Variants in PTPRN2 observed in about 807,000 individuals in gnomAD.
PTPRN2 encodes the protein receptor-type tyrosine-protein phosphatase N2.
A neutral mutation model predicts 118.8 loss-of-function variants in PTPRN2; 74 were observed. The observed-to-expected ratio is 0.62, with a 90% CI of 0.52 to 0.76. The LOEUF (loss-of-function observed/expected upper bound fraction) is 0.76, where lower values mean the gene tolerates loss of function less well. PTPRN2 is among the 30% of genes least tolerant of loss of function. The probability of loss-of-function intolerance (pLI) is 0.00; values close to 1 mark genes in which losing one functional copy is unlikely to be tolerated. For missense variants in PTPRN2, 1,481 were observed against 1,394.4 expected (o/e 1.06, Z -0.99); for synonymous variants, 641 against 608.0 (o/e 1.05, Z -0.80).
At chr7:158,359,773 T>C (rs1366332886) in intron 2 of PTPRN2, among the ~76,000 whole-genome samples, 1 of 152,124 alleles carries the variant, frequency 6.6e-6, no homozygotes, top group East Asian at 1.9e-4. Flanking sequence ...AATTAAAACA[T>C]GATTAAGAAT....
intron 11 of PTPRN2, among the ~76,000 whole-genome samples, chr7:157,901,751 C>T (rs1797458021): frequency 2.3e-5 from 1 of 42,622 alleles, no homozygotes; most frequent in South Asian, 5.4e-4. Context: ...GCCTTCCCGT[C>T]CGTGTTTCCT....
intron 17 of PTPRN2, among the ~76,000 whole-genome samples, chr7:157,594,693 G>C (rs899424231): frequency 8.5e-5 from 13 of 152,210 alleles, no homozygotes; most frequent in Non-Finnish European, 1.6e-4. Flanking sequence ...GGAGACCCGG[G>C]GGCAGCTGGA....
At chr7:158,293,771 T>A (rs1435849517) in intron 3 of PTPRN2, among the ~76,000 whole-genome samples, 1 of 139,768 alleles carries the variant, frequency 7.2e-6, no homozygotes, top group African/African-American at 2.7e-5. Flanking sequence ...AAAAAAAAAC[T>A]AAGACACAAA....
At position 157,840,947 on chromosome 7, in the gene PTPRN2, C is replaced by T. The variant is rs565847328; in HGVS notation, c.1788+57726G>A. Among the ~76,000 whole-genome samples, 218 of 152,318 alleles carry T rather than the reference C, an allele frequency of 1.4e-3. 3 individuals carry two copies. The highest frequency in any genetic ancestry group is 2.5e-3 in the Non-Finnish European group (173 of 68,026). The stretch of plus-strand genomic sequence containing the variant: ...GCGGGGGCTGGAGCCACCACCTCAC[C>T]GCCTGCCTGCCCCCTCCTCCTCTCT... On this transcript the variant is annotated intron_variant, in intron 12 of 22. Coordinates refer to ENST00000389418, the MANE Select transcript of PTPRN2 (RefSeq NM_002847.5).
rs765669931 is a variant in PTPRN2, at chr7:158,493,920, C to T, written c.113-4135G>A. On this transcript the variant is annotated intron_variant, in intron 1 of 22. Transcript: ENST00000389418. ...ACGTACATGGGTGCACGTATGCACA[C>T]GTACATGGGTACACTCATGCATGCT... 6.6e-5 allele frequency among the ~76,000 whole-genome samples: 10 copies of T among 152,290 alleles called. No homozygotes were observed. In the South Asian group the frequency reaches 8.3e-4, roughly 13 times the overall value.
intron 12 of PTPRN2, among the ~76,000 whole-genome samples, chr7:157,755,734 G>A (rs1276883266): frequency 6.6e-6 from 1 of 152,108 alleles, no homozygotes; most frequent in Non-Finnish European, 1.5e-5. Context: ...GAGGGAGGGG[G>A]TAGGAAGGGG....
intron 12 of PTPRN2, among the ~76,000 whole-genome samples, chr7:157,685,996 G>C (rs1797169880): frequency 6.6e-6 from 1 of 152,224 alleles, no homozygotes; most frequent in Non-Finnish European, 1.5e-5. Context: ...GGCCGGGGGA[G>C]GCCCGGAGGG....
chr7:158,163,603 G>T (rs78327192), intron 6 of PTPRN2, among the ~76,000 whole-genome samples: 3 of 116,764 alleles, frequency 2.6e-5, no homozygotes, highest in African/African-American at 9.6e-5. Context: ...TTCATAGGTG[G>T]CGCCTGTACG....
intron 21 of PTPRN2, among the ~76,000 whole-genome samples, chr7:157,551,763 C>T (rs1302005370): frequency 6.9e-6 from 1 of 145,850 alleles, no homozygotes; most frequent in Non-Finnish European, 1.5e-5. Context: ...AACCCACAGC[C>T]ACCATGCACC....
chr7:157,993,387 C>T (rs1452458989), intron 11 of PTPRN2, among the ~76,000 whole-genome samples: 1 of 151,998 alleles, frequency 6.6e-6, no homozygotes, highest in South Asian at 2.1e-4. Context: ...CCCACGGGGA[C>T]ATCCCGTACC....
chr7:157,825,217 G>A (rs550738789), intron 12 of PTPRN2, among the ~76,000 whole-genome samples: 1 of 152,318 alleles, frequency 6.6e-6, no homozygotes, highest in East Asian at 1.9e-4. Context: ...TGCTTTCAGG[G>A]AGTGTCTCAT....
chr7:157,981,926 C>T (rs752127922), intron 11 of PTPRN2, among the ~76,000 whole-genome samples: 2 of 152,268 alleles, frequency 1.3e-5, no homozygotes, highest in African/African-American at 2.4e-5. Flanking sequence ...TGTGGGGTCC[C>T]CCCAAACCCC....
chr7:158,333,658 T>G (rs1804962122), intron 2 of PTPRN2, among the ~76,000 whole-genome samples: 1 of 151,026 alleles, frequency 6.6e-6, no homozygotes, highest in Non-Finnish European at 1.5e-5. Context: ...ATTCTCACCA[T>G]AAGAGCTGAC....
intron 1 of PTPRN2, among the ~76,000 whole-genome samples, chr7:158,586,935 G>A (rs985269001): frequency 2.6e-5 from 4 of 152,094 alleles, no homozygotes; most frequent in Admixed American, 6.5e-5. Flanking sequence ...CAGGAGCCGG[G>A]GTAGAGGCAG....
At chr7:158,462,761 G>A (rs572931615) in intron 2 of PTPRN2, among the ~76,000 whole-genome samples, 25 of 152,262 alleles carry the variant, frequency 1.6e-4, no homozygotes, top group African/African-American at 2.9e-4. Context: ...CTCACAGTCC[G>A]CAAAACTACA....
chr7:157,554,905 G>C (rs938324752), intron 21 of PTPRN2, among the ~76,000 whole-genome samples: 1 of 149,538 alleles, frequency 6.7e-6, no homozygotes, highest in African/African-American at 2.6e-5. Flanking sequence ...AATTCGAGTT[G>C]TCCATGTCGG....
chr7:157,829,441 G>A (rs753396931), intron 12 of PTPRN2, among the ~76,000 whole-genome samples: 11 of 152,204 alleles, frequency 7.2e-5, no homozygotes, highest in South Asian at 6.2e-4. Context: ...CCACAGATGC[G>A]GGCCCGTGTG....
chr7:158,023,426 A>T (rs1288150199), intron 11 of PTPRN2, among the ~76,000 whole-genome samples: 1 of 151,896 alleles, frequency 6.6e-6, no homozygotes. Flanking sequence ...GGCTGTGTGT[A>T]TTTTTCTTTG....
At chr7:158,423,057 G>A (rs1210335948) in intron 2 of PTPRN2, among the ~76,000 whole-genome samples, 5 of 152,184 alleles carry the variant, frequency 3.3e-5, no homozygotes, top group Admixed American at 1.3e-4. Flanking sequence ...TTCCATCCCT[G>A]CTACTCAGCC....
Sources: allele counts gnomAD v4.1 joint callset (sites outside exome capture counted in the v4.1 genomes callset), GRCh38; gene constraint gnomAD v4.1.1; transcripts MANE v1.5; gene names NCBI Gene and HGNC (gene_info 2026-07-23, HGNC 2026-07-21).